Variants in KCNQ1 observed in about 807,000 individuals in gnomAD.
KCNQ1 encodes the protein potassium voltage-gated channel subfamily KQT member 1.
In KCNQ1, 49 loss-of-function variants were observed where a neutral mutation model predicts 72.4. That is an observed-to-expected ratio of 0.68 (90% confidence interval 0.54 to 0.86). The LOEUF (loss-of-function observed/expected upper bound fraction) is 0.86. Ranked by LOEUF, KCNQ1 falls within the 40% of genes least tolerant of loss-of-function variation. The probability of loss-of-function intolerance (pLI) is 0.00; values close to 1 mark genes in which losing one functional copy is unlikely to be tolerated. For missense variants in KCNQ1, 790 were observed against 945.1 expected (o/e 0.84, Z 2.15); for synonymous variants, 450 against 412.6 (o/e 1.09, Z -1.10).
chr11:2,525,495 G>A (rs530691502), intron 1 of KCNQ1, among the ~76,000 whole-genome samples: 30 of 152,358 alleles, frequency 2.0e-4, no homozygotes, highest in African/African-American at 6.7e-4. Context: ...GCAGGGCCTG[G>A]ACATCCTGTC....
At chr11:2,636,581 G>T (rs1290369424) in intron 10 of KCNQ1, 9 of 152,062 alleles carry the variant, frequency 5.9e-5, no homozygotes, top group African/African-American at 1.7e-4. Flanking sequence ...GCTGGATTCG[G>T]TTTGCCAGTA....
At chr11:2,836,584 A>T (rs573237608) in intron 15 of KCNQ1, among the ~76,000 whole-genome samples, 2 of 152,336 alleles carry the variant, frequency 1.3e-5, no homozygotes, top group Middle Eastern at 3.4e-3. Context: ...ACCAGCAGGG[A>T]CTGGGTGGTG....
rs1441027612 is a variant in KCNQ1, at chr11:2,748,894, C to T, written c.1515-19950C>T. On this transcript the variant is annotated intron_variant, in intron 11 of 15. Coordinates refer to ENST00000155840, the MANE Select transcript of KCNQ1 (RefSeq NM_000218.3). The surrounding 1 kb of genome is among the most constrained non-coding windows in gnomAD (Gnocchi z 6.2). ...GGGGCAGCCCCAGACCTCCAGAGTG[C>T]CCTCTTCCCCTCTTTGCGGTTGTCA... is the stretch of plus-strand genomic sequence containing the variant. Among the ~76,000 whole-genome samples, 1 of 152,218 alleles carries T rather than the reference C, an allele frequency of 6.6e-6. No homozygotes were observed. Among genetic ancestry groups the T allele is most frequent in the African/African-American group, 2.4e-5 (1 of 41,462 alleles).
At position 2,654,901 on chromosome 11, in the gene KCNQ1, A is replaced by C. The variant is rs1287061927; in HGVS notation, c.1394-7060A>C. On this transcript the variant is annotated intron_variant, in intron 10 of 15. Transcript: ENST00000155840. This position sits in a 1 kb window ranked among gnomAD's most constrained non-coding sequence, Gnocchi z 6.4. Reference sequence around the variant, plus strand: ...TGGCAACTCTAGGATAAGATGTGCAAGGTCGTGGGCCAGAGAGCAAGGCAC... The same window carrying C: ...TGGCAACTCTAGGATAAGATGTGCACGGTCGTGGGCCAGAGAGCAAGGCAC... 1 of 398,484 alleles carries C rather than the reference A, an allele frequency of 2.5e-6. No individual in the cohort carries two copies. The highest frequency in any genetic ancestry group is 4.4e-6 in the Non-Finnish European group (1 of 226,074). The allele number at this position is 398,484 out of a possible 1,614,324, so 24.7% of individuals were successfully genotyped here. A position where few individuals can be genotyped will look rare whatever the true frequency, so the allele number is the denominator to read the frequency against.
rs1213628359 is a variant in KCNQ1, at chr11:2,460,082, C to T, written c.386+14598C>T. Among the ~76,000 whole-genome samples the T allele has an allele frequency of 4.6e-5, 7 of 152,288 alleles. No individual in the cohort carries two copies. In the East Asian group the frequency reaches 1.2e-3, roughly 25 times the overall value. On this transcript the variant is annotated intron_variant, in intron 1 of 15. Coordinates refer to ENST00000155840, the MANE Select transcript of KCNQ1 (RefSeq NM_000218.3). ...AGGCCTTGGTGTCCTGACTGCCACC[C>T]CCAGGGGGCCCCTCACTCGAGTCCT... is the stretch of plus-strand genomic sequence containing the variant.
chr11:2,649,256 GT>G (rs1849720096), intron 10 of KCNQ1: 2 of 397,888 alleles, frequency 5.0e-6, no homozygotes, highest in Non-Finnish European at 8.9e-6. Context: ...TCATTTTATT[GT>G]TTTCTGACTG....
At chr11:2,470,782 C>T (rs1472976658) in intron 1 of KCNQ1, among the ~76,000 whole-genome samples, 2 of 151,994 alleles carry the variant, frequency 1.3e-5, no homozygotes, top group Non-Finnish European at 2.9e-5. Flanking sequence ...TCGATCAATC[C>T]TCCCACCTCA....
intron 11 of KCNQ1, among the ~76,000 whole-genome samples, chr11:2,742,827 C>A (rs542829517): frequency 3.3e-5 from 5 of 152,176 alleles, no homozygotes; most frequent in African/African-American, 4.8e-5. Flanking sequence ...AGTAGGCCAG[C>A]GGCTTAGGGA....
chr11:2,501,282 A>T (rs1385456134), intron 1 of KCNQ1, among the ~76,000 whole-genome samples: 1 of 151,698 alleles, frequency 6.6e-6, no homozygotes, highest in Non-Finnish European at 1.5e-5. Context: ...ACAAACCTTT[A>T]GCCAGACTAA....
chr11:2,656,554 A>G, intron 10 of KCNQ1: 2 of 398,622 alleles, frequency 5.0e-6, no homozygotes, highest in Non-Finnish European at 8.8e-6. Flanking sequence ...ACCTTTCCAC[A>G]TGCTCATCAG....
At position 2,471,468 on chromosome 11, in the gene KCNQ1, GC is replaced by G. The variant is rs1846455429; in HGVS notation, c.386+25988del. Among the ~76,000 whole-genome samples, 1 of 152,314 alleles carries G rather than the reference GC, an allele frequency of 6.6e-6. No homozygotes were observed. Among genetic ancestry groups the G allele is most frequent in the African/African-American group, 2.4e-5 (1 of 41,570 alleles). On this transcript the variant is annotated intron_variant, in intron 1 of 15. Coordinates refer to ENST00000155840, the MANE Select transcript of KCNQ1 (RefSeq NM_000218.3). The surrounding 1 kb of genome is among the most constrained non-coding windows in gnomAD (Gnocchi z 4.8). ...CCAGGGGACCTGCGAGATCCATCTCGCCCCACACACCACCAGGTCCCCAGGA... is the reference window on the plus strand; with the variant it reads ...CCAGGGGACCTGCGAGATCCATCTCGCCCACACACCACCAGGTCCCCAGGA...
chr11:2,645,044 C>A lies in KCNQ1; in HGVS notation c.1394-16917C>A. ...ATTTTGGGCCTCCAGGCAACTTGCT[C>A]AGGTGCCAATGATGACAGAGCTGGG... On this transcript the variant is annotated intron_variant, in intron 10 of 15. Coordinates refer to ENST00000155840, the MANE Select transcript of KCNQ1 (RefSeq NM_000218.3). The surrounding 1 kb of genome is among the most constrained non-coding windows in gnomAD (Gnocchi z 5.8). 2.5e-6 allele frequency: 1 copy of A among 398,782 alleles called. No homozygotes were observed. The highest frequency in any genetic ancestry group is 1.3e-4 in the South Asian group (1 of 7,830). The allele number at this position is 398,782 out of a possible 1,614,324, so 24.7% of individuals were successfully genotyped here. A position where few individuals can be genotyped will look rare whatever the true frequency, so the allele number is the denominator to read the frequency against.
chr11:2,451,592 G>C lies in KCNQ1; in HGVS notation c.386+6108G>C, dbSNP rs1307269757. Among the ~76,000 whole-genome samples, 1 of 152,166 alleles carries C rather than the reference G, an allele frequency of 6.6e-6. No individual in the cohort carries two copies. Among genetic ancestry groups the C allele is most frequent in the Non-Finnish European group, 1.5e-5 (1 of 68,018 alleles). On this transcript the variant is annotated intron_variant, in intron 1 of 15. Coordinates refer to ENST00000155840, the MANE Select transcript of KCNQ1 (RefSeq NM_000218.3). This position sits in a 1 kb window ranked among gnomAD's most constrained non-coding sequence, Gnocchi z 6.4. ...CAGAAAGGCTCCCAGGAGGGTCGTG[G>C]CTCCCTCATCGGCACCGGACTCTCA...
chr11:2,472,070 G>A (rs1380606891), intron 1 of KCNQ1, among the ~76,000 whole-genome samples: 3 of 150,996 alleles, frequency 2.0e-5, no homozygotes, highest in African/African-American at 7.3e-5. Flanking sequence ...GTGTGTAGGT[G>A]TGTGTGTTCA....
rs570249311 is a variant in KCNQ1, at chr11:2,720,296, C to T, written c.1515-48548C>T. Among the ~76,000 whole-genome samples the T allele has an allele frequency of 1.3e-5, 2 of 152,292 alleles. No homozygotes were observed. Among genetic ancestry groups the T allele is most frequent in the South Asian group, 4.1e-4 (2 of 4,824 alleles). On this transcript the variant is annotated intron_variant, in intron 11 of 15. Coordinates refer to ENST00000155840, the MANE Select transcript of KCNQ1 (RefSeq NM_000218.3). This position sits in a 1 kb window ranked among gnomAD's most constrained non-coding sequence, Gnocchi z 5.1. The stretch of plus-strand genomic sequence containing the variant: ...CATGGGGGCTTGAGTGTCCTGGCAG[C>T]TCTCCTCATCCATCCTATGTGTACA...
At chr11:2,696,769 C>T (rs956946882) in intron 11 of KCNQ1, 7 of 398,524 alleles carry the variant, frequency 1.8e-5, no homozygotes, top group African/African-American at 8.2e-5. Flanking sequence ...TAAAAGTCGT[C>T]GTCTTTGTTA....
intron 6 of KCNQ1, among the ~76,000 whole-genome samples, chr11:2,581,556 T>C (rs1289518185): frequency 6.6e-6 from 1 of 152,210 alleles, no homozygotes; most frequent in African/African-American, 2.4e-5. Flanking sequence ...GGCTTCACCC[T>C]GCAGGGACCT....
rs372400070 is a variant in KCNQ1, at chr11:2,715,927, G to T, written c.1515-52917G>T. Among the ~76,000 whole-genome samples the T allele has an allele frequency of 1.3e-5, 2 of 152,310 alleles. No homozygotes were observed. Among genetic ancestry groups the T allele is most frequent in the South Asian group, 4.1e-4 (2 of 4,828 alleles). ...GGGGGTGGCCAGAGTGGGAACCATG[G>T]TGATGCAAACCATAAACCTGTCCCC... is the stretch of plus-strand genomic sequence containing the variant. On this transcript the variant is annotated intron_variant, in intron 11 of 15. Coordinates refer to ENST00000155840, the MANE Select transcript of KCNQ1 (RefSeq NM_000218.3). This position sits in a 1 kb window ranked among gnomAD's most constrained non-coding sequence, Gnocchi z 4.9.
rs923192309 is a variant in KCNQ1, at chr11:2,674,396, CGTGT to C, written c.1514+12323_1514+12326del. 4 of 148,300 alleles carry C rather than the reference CGTGT, an allele frequency of 2.7e-5. No individual in the cohort carries two copies. The highest frequency in any genetic ancestry group is 6.1e-3 in the Middle Eastern group (2 of 328). 9.2% of individuals were successfully genotyped at this position (148,300 alleles called of 1,614,324 possible). ...CCTGCTTAGGGAAGGTGCATGCGTG[CGTGT>C]GTGTGTGCGCGCCCGCGCGCACACG... On this transcript the variant is annotated intron_variant, in intron 11 of 15. Transcript: ENST00000155840. The surrounding 1 kb of genome is among the most constrained non-coding windows in gnomAD (Gnocchi z 5.9).
Sources: gnomAD v4.1 joint callset for allele counts (sites outside exome capture counted in the v4.1 genomes callset) on GRCh38, gnomAD v4.1.1 for gene constraint, Gnocchi (gnomAD v3.1) non-coding constraint, MANE v1.5 for transcripts, NCBI Gene and HGNC (gene_info 2026-07-23, HGNC 2026-07-21) for gene names.